Variants in NUP160 observed in about 807,000 individuals in gnomAD.
NUP160 encodes nuclear pore complex protein Nup160.
NUP160 carries 94 observed loss-of-function variants against 196.9 expected under a neutral mutation model. The ratio of observed to expected loss-of-function variants is 0.48; its 90% CI spans 0.40 to 0.57. The LOEUF (loss-of-function observed/expected upper bound fraction) is 0.57. NUP160 is among the 20% of genes least tolerant of loss of function. The probability of loss-of-function intolerance (pLI) is 0.00; values close to 1 mark genes in which losing one functional copy is unlikely to be tolerated. For missense variants in NUP160, 1,638 were observed against 1,748.3 expected, an observed-to-expected ratio of 0.94 and a Z score of 1.13; for synonymous variants, 605 against 619.7, an observed-to-expected ratio of 0.98 and a Z score of 0.35.
chr11:47,813,517 T>C (rs2097682335), intron 13 of NUP160, 102 bp from the exon 14 acceptor site: 1 of 701,704 alleles, frequency 1.4e-6, no homozygotes, highest in Non-Finnish European at 2.5e-6. Flanking sequence ...CAAGTTGCAA[T>C]ACACTCTATA....
At chr11:47,784,712 T>C (rs1189469857) in intron 33 of NUP160, 1 of 323,110 alleles carries the variant, frequency 3.1e-6, no homozygotes, top group African/African-American at 2.1e-5. Flanking sequence ...TTTATATATT[T>C]TTAAATTTAA....
At chr11:47,832,295 A>C (rs557193501) in intron 7 of NUP160, among the ~76,000 whole-genome samples, 31 of 152,248 alleles carry the variant, frequency 2.0e-4, no homozygotes, top group South Asian at 8.3e-4. Context: ...TATAGTTTAA[A>C]TAATAATAGC....
chr11:47,831,891 T>C (rs1293565370), intron 7 of NUP160, among the ~76,000 whole-genome samples: 2 of 103,406 alleles, frequency 1.9e-5, no homozygotes, highest in African/African-American at 7.8e-5. Flanking sequence ...ATCTAATAAA[T>C]TCCTTTTTTT....
chr11:47,818,248 A>G (rs371651896), intron 10 of NUP160, 124 bp from the exon 11 acceptor site: 28 of 645,650 alleles, frequency 4.3e-5, no homozygotes, highest in East Asian at 4.0e-4. Flanking sequence ...TATGTGGGCA[A>G]TAACAGTAGT....
Position 47,793,743 on chromosome 11 carries a change from T to TCG in NUP160, c.3290-798_3290-797insCG, listed in dbSNP as rs2097669284. ...ATCTGTTTTTTTTTTTTTTTTTTTT[T>TCG]TTTTTTTTTTTTTTGAGACGGAGTT... is the stretch of plus-strand genomic sequence containing the variant. On this transcript the variant is annotated intron_variant, in intron 27 of 35. Transcript: ENST00000378460. Among the ~76,000 whole-genome samples the TCG allele has an allele frequency of 1.5e-5, 2 of 133,502 alleles. 1 individual carries two copies. The allele number at this position is 133,502 out of a possible 152,430, so 87.6% of individuals were successfully genotyped here.
intron 2 of NUP160, among the ~76,000 whole-genome samples, chr11:47,845,508 G>A (rs942973006): frequency 1.3e-5 from 2 of 152,034 alleles, no homozygotes; most frequent in Admixed American, 6.6e-5. Flanking sequence ...TTTCTTGTGC[G>A]AGATCCAAGA....
chr11:47,812,897 A>G (rs377514234), exon 15 of NUP160: 2 of 1,612,620 alleles, frequency 1.2e-6, no homozygotes, highest in East Asian at 2.2e-5. Flanking sequence ...AATAGTGATC[A>G]TATCTTCCAG....
chr11:47,821,697 A>ACC (rs1317167632), intron 9 of NUP160, 27 bp downstream of exon 9: 2 of 1,532,206 alleles, frequency 1.3e-6, no homozygotes, highest in Admixed American at 3.3e-5. Flanking sequence ...GGGGTGAGGT[A>ACC]GGATGACAGA....
At chr11:47,812,971 C>T (rs778183560) in exon 15 of NUP160, 2 of 1,612,172 alleles carry the variant, frequency 1.2e-6, no homozygotes, top group South Asian at 2.2e-5. Flanking sequence ...TTATAACTGA[C>T]ATATCCACAG....
At chr11:47,793,351 A>T (rs1263967417) in intron 27 of NUP160, among the ~76,000 whole-genome samples, 1 of 152,182 alleles carries the variant, frequency 6.6e-6, no homozygotes, top group Non-Finnish European at 1.5e-5. Context: ...TTAAAATTTA[A>T]AACAAAATTG....
chr11:47,839,891 C>A (rs557333761), exon 4 of NUP160: 3 of 1,614,002 alleles, frequency 1.9e-6, no homozygotes, highest in Non-Finnish European at 2.5e-6. Flanking sequence ...CCCCCAGAAG[C>A]ACATGGTAAG....
chr11:47,779,471 T>G, intron 35 of NUP160: 1 of 491,184 alleles, frequency 2.0e-6, no homozygotes, highest in South Asian at 1.7e-5. Flanking sequence ...TCACTAACTC[T>G]TTTCTCAGAA....
At chr11:47,779,850 C>G (rs1298162454) in intron 35 of NUP160, among the ~76,000 whole-genome samples, 1 of 152,162 alleles carries the variant, frequency 6.6e-6, no homozygotes, top group Non-Finnish European at 1.5e-5. Context: ...GCCTCAGCCT[C>G]CCGAGTAGCT....
intron 7 of NUP160, 97 bp from the exon 8 acceptor site, chr11:47,822,261 A>G: frequency 1.6e-6 from 1 of 615,314 alleles, no homozygotes; most frequent in Non-Finnish European, 2.6e-6. Context: ...TTAAAAAAAA[A>G]TTTTTTTTTT....
chr11:47,809,036 T>C (rs10742822), intron 17 of NUP160, among the ~76,000 whole-genome samples: 151,159 of 151,928 alleles, frequency 0.99, 75,203 homozygotes, highest in Middle Eastern at 1. Flanking sequence ...AGGAGGCGGA[T>C]GTTGCAGTGA....
At chr11:47,792,155 AAGAAG>A in intron 28 of NUP160, 165 bp from the exon 29 acceptor site, 1 of 559,004 alleles carries the variant, frequency 1.8e-6, no homozygotes, top group Non-Finnish European at 3.2e-6. Flanking sequence ...GAGACAAAGA[AAGAAG>A]TTCTTTGCCA....
At chr11:47,841,720 C>G in intron 2 of NUP160, 1 of 256,438 alleles carries the variant, frequency 3.9e-6, no homozygotes, top group Non-Finnish European at 7.7e-6. Context: ...GAGACAGGGT[C>G]TCACTCTGTC....
At chr11:47,794,025 C>T (rs910931943) in intron 27 of NUP160, among the ~76,000 whole-genome samples, 15 of 152,202 alleles carry the variant, frequency 9.9e-5, no homozygotes, top group African/African-American at 3.6e-4. Flanking sequence ...ATGATTCAAG[C>T]AGCCAAATTC....
chr11:47,809,418 T>C (rs890653355), intron 17 of NUP160, among the ~76,000 whole-genome samples: 1 of 151,960 alleles, frequency 6.6e-6, no homozygotes. Flanking sequence ...GACCAAATTC[T>C]AGTTTTTAGA....
Sources: allele counts gnomAD v4.1 joint callset (sites outside exome capture counted in the v4.1 genomes callset), GRCh38; gene constraint gnomAD v4.1.1; transcripts MANE v1.5; gene names NCBI Gene and HGNC (gene_info 2026-07-23, HGNC 2026-07-21).